CELSR1: variants seen among roughly 807,000 people sequenced by gnomAD.
The protein encoded by CELSR1 is adhesion G protein-coupled receptor C1.
A neutral mutation model predicts 249.1 loss-of-function variants in CELSR1; 110 were observed. That is an observed-to-expected ratio of 0.44 (90% confidence interval 0.38 to 0.52). CELSR1 has a LOEUF of 0.52. Among genes scored for constraint, CELSR1 ranks in the 20% least tolerant of loss-of-function variants. The pLI, the probability that CELSR1 is intolerant of heterozygous loss-of-function variation, is 0.00. For synonymous variants in CELSR1, 2,113 were observed against 1,900.0 expected, an observed-to-expected ratio of 1.11 and a Z score of -2.92; for missense variants, 4,109 against 4,296.4, an observed-to-expected ratio of 0.96 and a Z score of 1.22.
rs117443712 is a variant in CELSR1 at position 46,380,185 on chromosome 22, C to G, written c.7256+603G>C. 4.3e-3 allele frequency among the ~76,000 whole-genome samples: 648 copies of G among 152,330 alleles called. 5 individuals carry two copies. The highest frequency in any genetic ancestry group is 7.7e-3 in the Admixed American group (118 of 15,304). ...TTTTCTAACGACGAAACGCCTTTCC[C>G]TCGCTTGCATGGATGCTAGAACACA... On this transcript the variant is annotated intron_variant, in intron 22 of 34. Coordinates refer to ENST00000674500, the MANE Select transcript of CELSR1 (RefSeq NM_001378328.1). The surrounding 1 kb of genome is among the most constrained non-coding windows in gnomAD (Gnocchi z 5.1).
At chr22:46,467,190 C>T (rs767125362) in intron 1 of CELSR1, among the ~76,000 whole-genome samples, 44 of 152,298 alleles carry the variant, frequency 2.9e-4, no homozygotes, top group Middle Eastern at 3.4e-3. Context: ...TTTTGTCTTA[C>T]GCAATGCTCA....
rs1397573968 is a variant in CELSR1 at position 46,517,034 on chromosome 22, C to T, written c.3544+16593G>A. ...ATAAGGGATGAGCTGGGCTCATCCA[C>T]TTCCTGAGGCTGGTGACTCTGGGGG... On this transcript the variant is annotated intron_variant, in intron 1 of 34. Transcript: ENST00000674500. This position sits in a 1 kb window ranked among gnomAD's most constrained non-coding sequence, Gnocchi z 5.4. Among the ~76,000 whole-genome samples the T allele has an allele frequency of 2.0e-5, 3 of 152,240 alleles. No homozygotes were observed. The highest frequency in any genetic ancestry group is 3.9e-4 in the East Asian group (2 of 5,192).
At chr22:46,432,103 G>A (rs2079602358) in intron 5 of CELSR1, among the ~76,000 whole-genome samples, 1 of 152,246 alleles carries the variant, frequency 6.6e-6, no homozygotes, top group South Asian at 2.1e-4. Context: ...TGATGGGACA[G>A]AGGACAAAAA....
At chr22:46,394,092 A>G (rs1387418006) in intron 14 of CELSR1, 50 bp downstream of exon 14, 2 of 1,592,730 alleles carry the variant, frequency 1.3e-6, no homozygotes, top group East Asian at 2.2e-5. Flanking sequence ...GCAGCTGTGC[A>G]TGTGTGTGAG....
At position 46,406,262 on chromosome 22, in the gene CELSR1, T is replaced by G. The variant is rs1352292637; in HGVS notation, c.5226+2734A>C. Among the ~76,000 whole-genome samples the G allele has an allele frequency of 6.6e-6, 1 of 152,244 alleles. No individual in the cohort carries two copies. The highest frequency in any genetic ancestry group is 1.5e-5 in the Non-Finnish European group (1 of 68,046). The stretch of plus-strand genomic sequence containing the variant: ...AGGCAGCACCGCACTTGCCAAGTTT[T>G]GGCCTGGAGCAAGCTTCTGGGGCTG... On this transcript the variant is annotated intron_variant, in intron 9 of 34. Coordinates refer to ENST00000674500, the MANE Select transcript of CELSR1 (RefSeq NM_001378328.1). This position sits in a 1 kb window ranked among gnomAD's most constrained non-coding sequence, Gnocchi z 5.4.
chr22:46,508,773 T>C (rs1184275535), intron 1 of CELSR1, among the ~76,000 whole-genome samples: 1 of 152,160 alleles, frequency 6.6e-6, no homozygotes, highest in Non-Finnish European at 1.5e-5. Flanking sequence ...ACAATCCCCA[T>C]GGGAATGCCG....
intron 5 of CELSR1, among the ~76,000 whole-genome samples, chr22:46,421,194 C>T (rs975814372): frequency 6.7e-5 from 10 of 149,498 alleles, no homozygotes; most frequent in Non-Finnish European, 1.5e-4. Context: ...ACCACCCTCC[C>T]TGCCGAGGTG....
rs201390372 is a variant in CELSR1 at position 46,409,896 on chromosome 22, G to A, written c.4934-16C>T. On this transcript the variant is annotated splice_polypyrimidine_tract_variant and intron_variant, in intron 7 of 34. Transcript: ENST00000674500. This position sits in a 1 kb window ranked among gnomAD's most constrained non-coding sequence, Gnocchi z 9.8. ...GCAGCGCAGCCTGGCAACACAGAGC[G>A]TGCGGCAGAGCCTGACTCGGAGGAA... 332 of 1,610,850 alleles carry A rather than the reference G, an allele frequency of 2.1e-4. No individual in the cohort carries two copies. Among genetic ancestry groups the A allele is most frequent in the Non-Finnish European group, 2.7e-4 (313 of 1,179,870 alleles).
intron 1 of CELSR1, among the ~76,000 whole-genome samples, chr22:46,510,769 T>C (rs1026122925): frequency 1.3e-5 from 2 of 152,158 alleles, no homozygotes; most frequent in African/African-American, 4.8e-5. Context: ...ATATTCCTAT[T>C]CTGAAAAGCA....
intron 30 of CELSR1, 42 bp from the exon 31 acceptor site, chr22:46,365,731 G>T: frequency 4.7e-6 from 7 of 1,475,330 alleles, no homozygotes; most frequent in Non-Finnish European, 6.5e-6. Context: ...CATCCGTCAG[G>T]GAACAGGAGG....
rs747891856 is a variant in CELSR1 at position 46,534,376 on chromosome 22, T to C, written c.2795A>G (p.Gln932Arg). 6.2e-7 allele frequency: 1 copy of C among 1,612,826 alleles called. No individual in the cohort carries two copies. Among genetic ancestry groups the C allele is most frequent in the Non-Finnish European group, 8.5e-7 (1 of 1,180,016 alleles). Reference sequence around the variant, plus strand: ...GTCCCCATCGCCGTCGTCCCCACCCTGGAAGGTGTACAGCAGACGCCCATT... The same window carrying C: ...GTCCCCATCGCCGTCGTCCCCACCCCGGAAGGTGTACAGCAGACGCCCATT... Reference protein sequence around the residue: ...GPNGRLLYTFQGGDDGDGDFY... With the variant: ...GPNGRLLYTFRGGDDGDGDFY... Residue 932 changes from glutamine (Q) to arginine (R), a missense_variant, in exon 1 of 35, where the codon CAG becomes CGG. Gln to Arg is a conservative substitution (Grantham distance 43, BLOSUM62 1). Coordinates refer to ENST00000674500, the MANE Select transcript of CELSR1 (RefSeq NM_001378328.1). The surrounding 1 kb of genome is among the most constrained non-coding windows in gnomAD (Gnocchi z 9.7).
chr22:46,381,701 GC>G lies in CELSR1; in HGVS notation c.7088+144del, dbSNP rs1269752885. 5.2e-5 allele frequency: 39 copies of G among 751,844 alleles called. No individual in the cohort carries two copies. The highest frequency in any genetic ancestry group is 8.5e-6 in the Non-Finnish European group (4 of 471,426). 46.6% of individuals were successfully genotyped at this position (751,844 alleles called of 1,614,324 possible). On this transcript the variant is annotated intron_variant, in intron 21 of 34. Coordinates refer to ENST00000674500, the MANE Select transcript of CELSR1 (RefSeq NM_001378328.1). The surrounding 1 kb of genome is among the most constrained non-coding windows in gnomAD (Gnocchi z 6.0). ...ATCTCCCTCCAAGGACCACCACAAG[GC>G]AATGGTCTCTGTCTCTGGGCCAGGG... is the stretch of plus-strand genomic sequence containing the variant.
chr22:46,421,780 G>A (rs80238775), intron 5 of CELSR1, among the ~76,000 whole-genome samples: 3 of 152,216 alleles, frequency 2.0e-5, no homozygotes, highest in Admixed American at 2.0e-4. Context: ...ATGGGAGCAC[G>A]TGCAGACTGC....
At chr22:46,493,415 G>A (rs2080386030) in intron 1 of CELSR1, among the ~76,000 whole-genome samples, 2 of 150,898 alleles carry the variant, frequency 1.3e-5, no homozygotes, top group South Asian at 4.2e-4. Context: ...GTGTGGTGGT[G>A]GGCACCTGTA....
chr22:46,480,977 C>T (rs909558685), intron 1 of CELSR1, among the ~76,000 whole-genome samples: 1 of 152,214 alleles, frequency 6.6e-6, no homozygotes, highest in Non-Finnish European at 1.5e-5. Context: ...TGGCTCACGC[C>T]TGTAATCCCA....
chr22:46,411,647 C>G lies in CELSR1; in HGVS notation c.4724G>C (p.Gly1575Ala). ...TMAVRFGKDI[G>A]NYSCAAQGTQ... is the part of the protein sequence containing the mutation. ...GCCCTGGGCAGCGCAGCTGTAGTTCCCGATGTCCTTTCCAAAGCGCACAGC... is the reference window on the plus strand; with the variant it reads ...GCCCTGGGCAGCGCAGCTGTAGTTCGCGATGTCCTTTCCAAAGCGCACAGC... The change falls in exon 6 of 35, where the codon GGG becomes GCG. Residue 1575 changes from glycine to alanine, a missense_variant. This residue lies in a region of CELSR1 where 453 missense variants were observed against 492.0 expected (regional missense o/e 0.92). Coordinates refer to ENST00000674500, the MANE Select transcript of CELSR1 (RefSeq NM_001378328.1). The surrounding 1 kb of genome is among the most constrained non-coding windows in gnomAD (Gnocchi z 4.2). 1 of 1,614,200 alleles carries G rather than the reference C, an allele frequency of 6.2e-7. No individual in the cohort carries two copies.
rs2079188556 is a variant in CELSR1 at position 46,399,592 on chromosome 22, C to T, written c.5412+125G>A. ...CAGAACAGAAGCCCACCTGCGGGGACCCAGAAAGTGCCTCCCCAAATCCAC... is the reference window on the plus strand; with the variant it reads ...CAGAACAGAAGCCCACCTGCGGGGATCCAGAAAGTGCCTCCCCAAATCCAC... On this transcript the variant is annotated intron_variant, in intron 10 of 34. Transcript: ENST00000674500. The surrounding 1 kb of genome is among the most constrained non-coding windows in gnomAD (Gnocchi z 5.0). The T allele has an allele frequency of 1.1e-6, 1 of 920,106 alleles. No individual in the cohort carries two copies. The highest frequency in any genetic ancestry group is 1.7e-6 in the Non-Finnish European group (1 of 594,870). 57.0% of individuals were successfully genotyped at this position (920,106 alleles called of 1,614,324 possible). A position where few individuals can be genotyped will look rare whatever the true frequency, so the allele number is the denominator to read the frequency against.
Position 46,393,880 on chromosome 22 carries a change from G to C in CELSR1, c.5964+262C>G, listed in dbSNP as rs1014891902. Among the ~76,000 whole-genome samples the C allele has an allele frequency of 1.3e-5, 2 of 152,232 alleles. No homozygotes were observed. The highest frequency in any genetic ancestry group is 1.3e-4 in the Admixed American group (2 of 15,278). On this transcript the variant is annotated intron_variant, in intron 14 of 34. Transcript: ENST00000674500. This position sits in a 1 kb window ranked among gnomAD's most constrained non-coding sequence, Gnocchi z 4.1. ...AGGCCGGGAGGAGGCAGGGATTCCT[G>C]TTCCACGGGCGGGGGCTGGCAGGGC...
At chr22:46,487,354 C>T (rs1344179008) in intron 1 of CELSR1, among the ~76,000 whole-genome samples, 23 of 150,454 alleles carry the variant, frequency 1.5e-4, no homozygotes, top group African/African-American at 4.4e-4. Context: ...GCAACCTAAA[C>T]GCAAAGAAAC....
Sources: allele counts gnomAD v4.1 joint callset (sites outside exome capture counted in the v4.1 genomes callset), GRCh38; gene constraint gnomAD v4.1.1; regional missense constraint gnomAD v4.1.1; non-coding constraint Gnocchi (gnomAD v3.1); transcripts MANE v1.5; gene names NCBI Gene and HGNC (gene_info 2026-07-23, HGNC 2026-07-21).